The following PTPRN2 variants were observed in gnomAD, a reference collection of about 807,000 sequenced individuals.
The protein encoded by PTPRN2 is protein tyrosine phosphatase receptor type N2, also known as receptor-type tyrosine-protein phosphatase N2.
In PTPRN2, 74 loss-of-function variants were observed where a neutral mutation model predicts 118.8. The observed-to-expected ratio is 0.62, with a 90% confidence interval of 0.52 to 0.76. The LOEUF (loss-of-function observed/expected upper bound fraction) is 0.76. PTPRN2 is among the 30% of genes least tolerant of loss of function. The pLI is 0.00. For missense variants in PTPRN2, 1,481 were observed against 1,394.4 expected, an observed-to-expected ratio of 1.06 and a Z score of -0.99; for synonymous variants, 641 against 608.0, an observed-to-expected ratio of 1.05 and a Z score of -0.80.
chr7:157,769,194 C>A (rs1356242833), intron 12 of PTPRN2, among the ~76,000 whole-genome samples: 2 of 152,168 alleles, frequency 1.3e-5, no homozygotes, highest in African/African-American at 4.8e-5. Context: ...TTCCGCCCCC[C>A]ACACGCTTTG....
intron 3 of PTPRN2, among the ~76,000 whole-genome samples, chr7:158,256,464 A>G (rs1486526843): frequency 1.3e-5 from 2 of 152,182 alleles, no homozygotes; most frequent in African/African-American, 4.8e-5. Flanking sequence ...GGAATTTTAA[A>G]AAGTTTTAGA....
intron 2 of PTPRN2, among the ~76,000 whole-genome samples, chr7:158,398,930 C>T (rs1173208427): frequency 6.6e-6 from 1 of 152,230 alleles, no homozygotes; most frequent in Non-Finnish European, 1.5e-5. Flanking sequence ...TAAATGCTAT[C>T]CCCAACTAGG....
At chr7:158,038,649 A>G (rs1017520828) in intron 11 of PTPRN2, among the ~76,000 whole-genome samples, 5 of 150,150 alleles carry the variant, frequency 3.3e-5, no homozygotes, top group African/African-American at 1.2e-4. Context: ...TATATAACAC[A>G]TATAGCATTT....
intron 2 of PTPRN2, among the ~76,000 whole-genome samples, chr7:158,320,787 T>C (rs930881923): frequency 1.3e-5 from 2 of 152,222 alleles, no homozygotes; most frequent in Non-Finnish European, 2.9e-5. Flanking sequence ...TGAAGATGAT[T>C]GTGACCAGAA....
At chr7:158,293,918 T>G (rs1294141237) in intron 3 of PTPRN2, among the ~76,000 whole-genome samples, 1 of 152,236 alleles carries the variant, frequency 6.6e-6, no homozygotes, top group Non-Finnish European at 1.5e-5. Context: ...AAGAATGCCT[T>G]CTGCCGGCAT....
chr7:158,425,953 A>G (rs1253408708), intron 2 of PTPRN2, among the ~76,000 whole-genome samples: 25 of 122,524 alleles, frequency 2.0e-4, no homozygotes, highest in Admixed American at 3.1e-4. Context: ...CACCGCCGGG[A>G]AAGACGCAGA....
chr7:158,046,275 G>T (rs940626890), intron 11 of PTPRN2, among the ~76,000 whole-genome samples: 3 of 143,888 alleles, frequency 2.1e-5, no homozygotes, highest in Non-Finnish European at 4.5e-5. Context: ...CTGTCCAGGA[G>T]CAGAAACTGC....
intron 11 of PTPRN2, among the ~76,000 whole-genome samples, chr7:157,976,104 C>T (rs1339393731): frequency 1.3e-5 from 2 of 152,250 alleles, no homozygotes; most frequent in East Asian, 1.9e-4. Flanking sequence ...AAGCAAAAGC[C>T]ACCCCAGCTC....
At chr7:158,201,348 A>G (rs1826636719) in intron 4 of PTPRN2, among the ~76,000 whole-genome samples, 2 of 152,146 alleles carry the variant, frequency 1.3e-5, no homozygotes, top group Non-Finnish European at 2.9e-5. Context: ...TACCCCACAA[A>G]CCATAAATTC....
At chr7:158,527,368 C>T (rs1315701888) in intron 1 of PTPRN2, among the ~76,000 whole-genome samples, 4 of 152,326 alleles carry the variant, frequency 2.6e-5, no homozygotes, top group Admixed American at 1.3e-4. Flanking sequence ...GGCCAGCCTG[C>T]GTCTCCGTGT....
rs770971838 is a variant in PTPRN2 at position 157,615,452 on chromosome 7, C to T, written c.2344+5910G>A. ...GAGGATGAAAAGGAGGTGTTTAGCC[C>T]CGAGCCTCACGTGGAAACATCTGAT... is the stretch of plus-strand genomic sequence containing the variant. On this transcript the variant is annotated intron_variant, in intron 15 of 22. Transcript: ENST00000389418. The surrounding 1 kb of genome is among the most constrained non-coding windows in gnomAD (Gnocchi z 4.3). 1 of 471,192 alleles carries T rather than the reference C, an allele frequency of 2.1e-6. No individual in the cohort carries two copies. Among genetic ancestry groups the T allele is most frequent in the South Asian group, 1.5e-5 (1 of 64,572 alleles). The allele number at this position is 471,192 out of a possible 1,614,324, so 29.2% of individuals were successfully genotyped here.
chr7:157,996,689 T>G (rs1457572935), intron 11 of PTPRN2, among the ~76,000 whole-genome samples: 1 of 152,226 alleles, frequency 6.6e-6, no homozygotes, highest in Non-Finnish European at 1.5e-5. Flanking sequence ...TTCTCTAGCT[T>G]TCTTCGTCTC....
intron 12 of PTPRN2, among the ~76,000 whole-genome samples, chr7:157,725,083 A>G (rs1799451997): frequency 6.6e-6 from 1 of 152,264 alleles, no homozygotes; most frequent in East Asian, 1.9e-4. Context: ...TGACTTTTAA[A>G]AAACCTGTGG....
At chr7:157,731,260 C>A (rs1395963694) in intron 12 of PTPRN2, among the ~76,000 whole-genome samples, 2 of 152,146 alleles carry the variant, frequency 1.3e-5, no homozygotes, top group Admixed American at 6.5e-5. Flanking sequence ...AATCGAGGTG[C>A]CTTCCTGAAG....
rs183661920 is a variant in PTPRN2, at chr7:158,061,348, G to A, written c.1723+19950C>T. On this transcript the variant is annotated intron_variant, in intron 11 of 22. Transcript: ENST00000389418. ...ATGAAGCCACAGGCACAGTCCCCAC[G>A]TGCTTGACAGTGGCCCCGCAACCCA... Among the ~76,000 whole-genome samples, 357 of 152,302 alleles carry A rather than the reference G, an allele frequency of 2.3e-3. 2 individuals carry two copies. Among genetic ancestry groups the A allele is most frequent in the African/African-American group, 7.6e-3 (318 of 41,574 alleles).
chr7:157,822,357 C>T (rs1383594829), intron 12 of PTPRN2, among the ~76,000 whole-genome samples: 1 of 151,892 alleles, frequency 6.6e-6, no homozygotes, highest in Non-Finnish European at 1.5e-5. Context: ...GTCCATCCAT[C>T]TATACACTAT....
intron 1 of PTPRN2, among the ~76,000 whole-genome samples, chr7:158,521,016 C>T (rs1188080245): frequency 6.6e-6 from 1 of 152,226 alleles, no homozygotes; most frequent in African/African-American, 2.4e-5. Flanking sequence ...ATCTCTCCCA[C>T]AGCAGGATTC....
chr7:157,760,294 C>T (rs1802054287), intron 12 of PTPRN2, among the ~76,000 whole-genome samples: 1 of 151,952 alleles, frequency 6.6e-6, no homozygotes. Context: ...GGAGTGTGAC[C>T]CAGGATGGGA....
At chr7:157,735,361 C>T (rs547290163) in intron 12 of PTPRN2, among the ~76,000 whole-genome samples, 60 of 152,338 alleles carry the variant, frequency 3.9e-4, no homozygotes, top group African/African-American at 1.4e-3. Flanking sequence ...CCATCTCTGA[C>T]TGTATGGTGT....
Sources: gnomAD v4.1 joint callset for allele counts (sites outside exome capture counted in the v4.1 genomes callset) on GRCh38, gnomAD v4.1.1 for gene constraint, Gnocchi (gnomAD v3.1) non-coding constraint, MANE v1.5 for transcripts, NCBI Gene and HGNC (gene_info 2026-07-23, HGNC 2026-07-21) for gene names.